COL21A1: variants seen among roughly 807,000 people sequenced by gnomAD.
COL21A1 encodes collagen type XXI alpha 1 chain.
Under a neutral mutation model 137.9 loss-of-function variants are expected in COL21A1, and 149 were observed. That is an observed-to-expected ratio of 1.08 (90% CI 0.95 to 1.24). COL21A1 has a LOEUF of 1.24. Ranked by LOEUF, COL21A1 falls within the 50% of genes most tolerant of loss-of-function variation. The probability of loss-of-function intolerance (pLI) is 0.00; values close to 1 mark genes in which losing one functional copy is unlikely to be tolerated. For missense variants in COL21A1, 1,167 were observed against 1,158.4 expected, an observed-to-expected ratio of 1.01 and a Z score of -0.11; for synonymous variants, 456 against 391.5, an observed-to-expected ratio of 1.16 and a Z score of -1.95.
chr6:56,125,912 A>G (rs1773015904), intron 13 of COL21A1, among the ~76,000 whole-genome samples, 184 bp downstream of exon 13: 1 of 152,020 alleles, frequency 6.6e-6, no homozygotes, highest in Non-Finnish European at 1.5e-5. Flanking sequence ...TATATTTATA[A>G]CTGGAAACTT....
chr6:56,158,605 T>C (rs1047419713), intron 9 of COL21A1, among the ~76,000 whole-genome samples: 1 of 152,084 alleles, frequency 6.6e-6, no homozygotes, highest in African/African-American at 2.4e-5. Context: ...ATCATTCACA[T>C]AGAAATCAGT....
At chr6:56,169,822 G>A (rs16887630) in intron 5 of COL21A1, among the ~76,000 whole-genome samples, 2,199 of 151,856 alleles carry the variant, frequency 0.014, 33 homozygotes, top group Middle Eastern at 0.037. Flanking sequence ...TTGTAAATAC[G>A]CTCTTTGAAG....
At chr6:56,330,786 G>A (rs1765202667) in intron 1 of COL21A1, among the ~76,000 whole-genome samples, 1 of 152,004 alleles carries the variant, frequency 6.6e-6, no homozygotes, top group Non-Finnish European at 1.5e-5. Context: ...ACTTTTTGAT[G>A]TCAAGGTTTA....
intron 9 of COL21A1, among the ~76,000 whole-genome samples, chr6:56,158,253 C>CTTTTTTT (rs59381031): frequency 3.8e-5 from 4 of 104,894 alleles, no homozygotes; most frequent in Non-Finnish European, 7.2e-5. Context: ...TGGGTTTTTT[C>CTTTTTTT]TTTTTTTTTT....
At position 56,099,294 on chromosome 6, in the gene COL21A1, C is replaced by T. The variant is rs185849865; in HGVS notation, c.1812+2178G>A. On this transcript the variant is annotated intron_variant, in intron 17 of 29. Coordinates refer to ENST00000244728, the MANE Select transcript of COL21A1 (RefSeq NM_030820.4). ...TGTCGCCCAGGCTGGAGTGCAGTGGCGCCATCTCGGCTCACTGCAAGCTCC... is the reference window on the plus strand; with the variant it reads ...TGTCGCCCAGGCTGGAGTGCAGTGGTGCCATCTCGGCTCACTGCAAGCTCC... 1.5e-3 allele frequency among the ~76,000 whole-genome samples: 216 copies of T among 143,198 alleles called. 1 individual carries two copies. Among genetic ancestry groups the T allele is most frequent in the African/African-American group, 5.3e-3 (204 of 38,150 alleles). 93.9% of individuals were successfully genotyped at this position (143,198 alleles called of 152,430 possible).
chr6:56,264,907 T>A (rs12528835), intron 1 of COL21A1, among the ~76,000 whole-genome samples: 74,923 of 152,128 alleles, frequency 0.49, 19,685 homozygotes, highest in East Asian at 0.85. Flanking sequence ...CTCAGGAGTC[T>A]TCATAGTTCT....
At chr6:56,303,404 C>T (rs1764352106) in intron 1 of COL21A1, among the ~76,000 whole-genome samples, 1 of 151,764 alleles carries the variant, frequency 6.6e-6, no homozygotes, top group South Asian at 2.1e-4. Flanking sequence ...TCTTTTATTT[C>T]ATTGAGCAGT....
chr6:56,222,581 C>CATT (rs1780907542), intron 1 of COL21A1, among the ~76,000 whole-genome samples: 1 of 152,102 alleles, frequency 6.6e-6, no homozygotes, highest in African/African-American at 2.4e-5. Context: ...TGATGAAACA[C>CATT]AGATTTCCCA....
At chr6:56,177,878 G>A (rs1321500133) in intron 3 of COL21A1, among the ~76,000 whole-genome samples, 3 of 151,436 alleles carry the variant, frequency 2.0e-5, no homozygotes, top group African/African-American at 4.9e-5. Flanking sequence ...TTAAAAGATG[G>A]CTATTGTGCA....
Position 56,056,660 on chromosome 6 carries a change from T to A in COL21A1, c.*997A>T, listed in dbSNP as rs1327671751. The A allele has an allele frequency of 6.6e-6, 1 of 152,188 alleles. No homozygotes were observed. Among genetic ancestry groups the A allele is most frequent in the Admixed American group, 6.5e-5 (1 of 15,274 alleles). 9.4% of individuals were successfully genotyped at this position (152,188 alleles called of 1,614,324 possible). Reference sequence around the variant, plus strand: ...AACAAAATTTTGAGCATGACAAGGATGAAATATTTCAAATTCTGTTTCTTA... The same window carrying A: ...AACAAAATTTTGAGCATGACAAGGAAGAAATATTTCAAATTCTGTTTCTTA... On this transcript the variant is annotated 3_prime_UTR_variant, in exon 30 of 30. Transcript: ENST00000244728.
chr6:56,113,872 A>G (rs577591124), intron 16 of COL21A1, among the ~76,000 whole-genome samples: 6 of 152,236 alleles, frequency 3.9e-5, no homozygotes, highest in African/African-American at 1.4e-4. Context: ...AGCATTCACC[A>G]TAAGCTGACT....
At chr6:56,183,434 T>TA (rs1395511428) in intron 1 of COL21A1, among the ~76,000 whole-genome samples, 3 of 152,118 alleles carry the variant, frequency 2.0e-5, no homozygotes, top group African/African-American at 4.8e-5. Flanking sequence ...CCACAGCATA[T>TA]AAAAAATCAC....
chr6:56,254,087 G>C (rs1369313638), intron 1 of COL21A1, among the ~76,000 whole-genome samples: 1 of 152,156 alleles, frequency 6.6e-6, no homozygotes, highest in African/African-American at 2.4e-5. Context: ...AACATTGAGT[G>C]AAATCATATT....
chr6:56,335,559 G>A (rs1765315550), intron 1 of COL21A1, among the ~76,000 whole-genome samples: 1 of 152,156 alleles, frequency 6.6e-6, no homozygotes, highest in Non-Finnish European at 1.5e-5. Flanking sequence ...CACATAGGAT[G>A]CCCCACTTCT....
At chr6:56,134,155 C>G (rs190704141) in intron 12 of COL21A1, among the ~76,000 whole-genome samples, 1 of 152,184 alleles carries the variant, frequency 6.6e-6, no homozygotes, top group East Asian at 1.9e-4. Context: ...TGAAAGCAAT[C>G]GAGAGGGAGG....
chr6:56,212,791 A>G (rs1214353558), intron 1 of COL21A1, among the ~76,000 whole-genome samples: 1 of 152,092 alleles, frequency 6.6e-6, no homozygotes, highest in African/African-American at 2.4e-5. Context: ...TGTGAAATGC[A>G]TGGTTTTCAC....
intron 16 of COL21A1, among the ~76,000 whole-genome samples, chr6:56,113,604 C>T (rs1410193707): frequency 1.3e-5 from 2 of 152,144 alleles, no homozygotes; most frequent in Admixed American, 6.5e-5. Context: ...ACCTCTGAGA[C>T]TTGTTGGCTT....
intron 1 of COL21A1, among the ~76,000 whole-genome samples, chr6:56,288,683 C>A (rs1763970089): frequency 6.6e-6 from 1 of 152,268 alleles, no homozygotes; most frequent in East Asian, 1.9e-4. Context: ...AAGCCAAAAC[C>A]AAGGAAGCCC....
intron 7 of COL21A1, 174 bp downstream of exon 7, chr6:56,166,732 T>C (rs1485622948): frequency 3.2e-5 from 22 of 692,442 alleles, no homozygotes; most frequent in Non-Finnish European, 2.3e-5. Flanking sequence ...AACAATCTCA[T>C]TTCAATTATA....
Sources: gnomAD v4.1 joint callset for allele counts (sites outside exome capture counted in the v4.1 genomes callset) on GRCh38, gnomAD v4.1.1 for gene constraint, MANE v1.5 for transcripts, NCBI Gene and HGNC (gene_info 2026-07-23, HGNC 2026-07-21) for gene names.